Variants in SLC45A4 observed in about 807,000 individuals in gnomAD.
SLC45A4 encodes the protein solute carrier family 45 member 4.
SLC45A4 carries 32 observed loss-of-function variants against 63.7 expected under a neutral mutation model. The observed-to-expected ratio is 0.50, with a 90% CI of 0.38 to 0.67. SLC45A4 has a LOEUF of 0.67. Ranked by LOEUF, SLC45A4 falls within the 30% of genes least tolerant of loss-of-function variation. SLC45A4 has a pLI of 0.00. For synonymous variants in SLC45A4, 535 were observed against 510.0 expected (o/e 1.05, Z -0.66); for missense variants, 1,027 against 1,157.7 (o/e 0.89, Z 1.64).
chr8:141,207,190 AT>A lies in SLC45A4; in HGVS notation c.*4381del, dbSNP rs1479406185. 2 of 152,532 alleles carry A rather than the reference AT, an allele frequency of 1.3e-5. No individual in the cohort carries two copies. The highest frequency in any genetic ancestry group is 2.1e-4 in the South Asian group (1 of 4,848). The allele number at this position is 152,532 out of a possible 1,614,324, so 9.4% of individuals were successfully genotyped here. A position where few individuals can be genotyped will look rare whatever the true frequency, so the allele number is the denominator to read the frequency against. On this transcript the variant is annotated 3_prime_UTR_variant, in exon 9 of 9. Transcript: ENST00000517878. The stretch of plus-strand genomic sequence containing the variant: ...ATCATCATGTCAGAGGGAAAAGTTT[AT>A]TGAGTCAGCCACAGAGGAACAGAGA...
chr8:141,215,809 T>G lies in SLC45A4; in HGVS notation c.1891A>C (p.Ile631Leu). ...AGCAGGGCGTACGGGCAGTAGGAGA[T>G]GCTCATGGAGACGATGCCCATGGTG... ...ISTMGIVSMS[I>L]SYCPYALLGQ... The change falls in exon 7 of 9, where the codon ATC becomes CTC. Residue 631 changes from isoleucine to leucine, a missense_variant. By Grantham distance (5) the Ile-to-Leu change is conservative (BLOSUM62 2). Coordinates refer to ENST00000517878, the MANE Select transcript of SLC45A4 (RefSeq NM_001286646.2). This position sits in a 1 kb window ranked among gnomAD's most constrained non-coding sequence, Gnocchi z 4.3. The G allele has an allele frequency of 1.2e-6, 2 of 1,614,044 alleles. No individual in the cohort carries two copies. Among genetic ancestry groups the G allele is most frequent in the Non-Finnish European group, 1.7e-6 (2 of 1,180,018 alleles).
Position 141,254,727 on chromosome 8 carries a change from G to A in SLC45A4, c.-400-98C>T, listed in dbSNP as rs535635176. The A allele has an allele frequency of 1.2e-5, 8 of 685,970 alleles. No homozygotes were observed. The highest frequency in any genetic ancestry group is 8.3e-5 in the East Asian group (3 of 36,308). The allele number at this position is 685,970 out of a possible 1,614,324, so 42.5% of individuals were successfully genotyped here. A position where few individuals can be genotyped will look rare whatever the true frequency, so the allele number is the denominator to read the frequency against. On this transcript the variant is annotated intron_variant, in intron 1 of 8. Transcript: ENST00000517878. The surrounding 1 kb of genome is among the most constrained non-coding windows in gnomAD (Gnocchi z 4.5). Reference sequence around the variant, plus strand: ...GACCCCCGAGCAAGCCGTGTGCCCCGAGGGCCCGACCCAAGATCACACAGC... The same window carrying A: ...GACCCCCGAGCAAGCCGTGTGCCCCAAGGGCCCGACCCAAGATCACACAGC...
rs113996588 is a variant in SLC45A4 at position 141,300,799 on chromosome 8, G to A, written c.-401+7297C>T. 2.3e-3 allele frequency among the ~76,000 whole-genome samples: 354 copies of A among 152,354 alleles called. 1 individual carries two copies. Among genetic ancestry groups the A allele is most frequent in the African/African-American group, 6.3e-3 (263 of 41,572 alleles). On this transcript the variant is annotated intron_variant, in intron 1 of 8. Transcript: ENST00000517878. Reference sequence around the variant, plus strand: ...TTTAGCCCAACCAGATGAAAATGCCGCAGCGTGCTTACTCGTGAAATGGTT... The same window carrying A: ...TTTAGCCCAACCAGATGAAAATGCCACAGCGTGCTTACTCGTGAAATGGTT...
intron 2 of SLC45A4, among the ~76,000 whole-genome samples, chr8:141,223,931 C>A (rs954313343): frequency 8.5e-5 from 13 of 152,188 alleles, no homozygotes; most frequent in African/African-American, 3.1e-4. Flanking sequence ...TTCCAGCAGT[C>A]CTCTTTCCTT....
intron 1 of SLC45A4, among the ~76,000 whole-genome samples, chr8:141,257,001 A>T (rs1360587159): frequency 1.3e-5 from 2 of 152,040 alleles, no homozygotes; most frequent in African/African-American, 4.8e-5. Context: ...TTACAGGCAC[A>T]TGCCACCACG....
intron 7 of SLC45A4, among the ~76,000 whole-genome samples, chr8:141,213,474 C>G (rs1484979496): frequency 1.3e-5 from 2 of 152,170 alleles, no homozygotes; most frequent in African/African-American, 4.8e-5. Context: ...CAGTGTCCTT[C>G]TAAATAATTC....
intron 1 of SLC45A4, among the ~76,000 whole-genome samples, chr8:141,295,542 G>A (rs1006607441): frequency 3.9e-5 from 6 of 152,222 alleles, no homozygotes; most frequent in Non-Finnish European, 5.9e-5. Context: ...CTGCAATGAC[G>A]TGAAGGCATC....
chr8:141,272,170 T>C (rs1055300498), intron 1 of SLC45A4, among the ~76,000 whole-genome samples: 4 of 152,250 alleles, frequency 2.6e-5, no homozygotes, highest in African/African-American at 4.8e-5. Context: ...TTCAAAACTA[T>C]ATAAAGACAG....
intron 1 of SLC45A4, among the ~76,000 whole-genome samples, chr8:141,257,699 G>C (rs1440546013): frequency 6.6e-6 from 1 of 152,186 alleles, no homozygotes; most frequent in Non-Finnish European, 1.5e-5. Flanking sequence ...AGGGACACTT[G>C]GCAATGACGT....
rs370891008 is a variant in SLC45A4, at chr8:141,226,043, A to C, written c.242-4278T>G. 10 of 152,842 alleles carry C rather than the reference A, an allele frequency of 6.5e-5. No individual in the cohort carries two copies. In the East Asian group the frequency reaches 1.3e-3, roughly 21 times the overall value. 9.5% of individuals were successfully genotyped at this position (152,842 alleles called of 1,614,324 possible). A position where few individuals can be genotyped will look rare whatever the true frequency, so the allele number is the denominator to read the frequency against. On this transcript the variant is annotated intron_variant, in intron 2 of 8. Coordinates refer to ENST00000517878, the MANE Select transcript of SLC45A4 (RefSeq NM_001286646.2). ...ATCTGGCCGGCCTGCCTTGGGACCC[A>C]GGTCAGCCCCTCAAACCACACAGCT...
intron 1 of SLC45A4, among the ~76,000 whole-genome samples, chr8:141,274,932 G>A (rs1382726267): frequency 6.6e-6 from 1 of 152,230 alleles, no homozygotes; most frequent in African/African-American, 2.4e-5. Flanking sequence ...GGGGCATTCC[G>A]GTTCAGAGGG....
Position 141,265,607 on chromosome 8 carries a change from C to T in SLC45A4, c.-400-10978G>A, listed in dbSNP as rs147134618. Among the ~76,000 whole-genome samples the T allele has an allele frequency of 4.2e-3, 634 of 152,326 alleles. 7 individuals are homozygous for T. The highest frequency in any genetic ancestry group is 7.0e-3 in the Non-Finnish European group (476 of 68,028). On this transcript the variant is annotated intron_variant, in intron 1 of 8. Coordinates refer to ENST00000517878, the MANE Select transcript of SLC45A4 (RefSeq NM_001286646.2). ...CTTCTCTAGTACACAGCTGAAAACT[C>T]CCTACTGAGGCATGACGTCACACTG... is the stretch of plus-strand genomic sequence containing the variant.
At chr8:141,266,084 G>A (rs1829252830) in intron 1 of SLC45A4, among the ~76,000 whole-genome samples, 1 of 152,180 alleles carries the variant, frequency 6.6e-6, no homozygotes, top group South Asian at 2.1e-4. Context: ...CCTCAAGCTT[G>A]GGTGAAACTT....
chr8:141,228,814 G>C (rs1569558227), intron 2 of SLC45A4, among the ~76,000 whole-genome samples: 1 of 152,160 alleles, frequency 6.6e-6, no homozygotes, highest in African/African-American at 2.4e-5. Context: ...AGAGAGAAAG[G>C]AAAGTTCTAA....
intron 2 of SLC45A4, among the ~76,000 whole-genome samples, chr8:141,242,148 C>T (rs1827949828): frequency 6.6e-6 from 1 of 152,162 alleles, no homozygotes; most frequent in Non-Finnish European, 1.5e-5. Context: ...TCACAGGGAA[C>T]AACTGGCAAC....
chr8:141,244,848 C>G (rs1019624894), intron 2 of SLC45A4, among the ~76,000 whole-genome samples: 3 of 151,854 alleles, frequency 2.0e-5, no homozygotes, highest in Non-Finnish European at 4.4e-5. Flanking sequence ...AGCCGGAAAC[C>G]AGGCCCACTC....
intron 2 of SLC45A4, among the ~76,000 whole-genome samples, chr8:141,234,462 C>T (rs1384133680): frequency 1.3e-5 from 2 of 152,230 alleles, no homozygotes; most frequent in Non-Finnish European, 2.9e-5. Flanking sequence ...ACCCTATTTG[C>T]TACCCCATTT....
At chr8:141,219,531 C>T in intron 4 of SLC45A4, 119 bp downstream of exon 4, 3 of 1,275,930 alleles carry the variant, frequency 2.4e-6, no homozygotes, top group Non-Finnish European at 3.2e-6. Flanking sequence ...CTGCCCACTG[C>T]CTCAACCCTC....
chr8:141,264,937 A>G (rs1225335079), intron 1 of SLC45A4, among the ~76,000 whole-genome samples: 1 of 152,262 alleles, frequency 6.6e-6, no homozygotes, highest in Non-Finnish European at 1.5e-5. Context: ...GAACCCGTCT[A>G]TCATGCTGGA....
Sources: gnomAD v4.1 joint callset for allele counts (sites outside exome capture counted in the v4.1 genomes callset) on GRCh38, gnomAD v4.1.1 for gene constraint, Gnocchi (gnomAD v3.1) non-coding constraint, MANE v1.5 for transcripts, NCBI Gene and HGNC (gene_info 2026-07-23, HGNC 2026-07-21) for gene names.